Variants in LRBA observed in about 807,000 individuals in gnomAD.
LRBA encodes lipopolysaccharide-responsive and beige-like anchor protein.
In LRBA, 176 loss-of-function variants were observed where a neutral mutation model predicts 330.0. That is an observed-to-expected ratio of 0.53 (90% confidence interval 0.47 to 0.60). The LOEUF (loss-of-function observed/expected upper bound fraction) is 0.60, where lower values mean the gene tolerates loss of function less well. Ranked by LOEUF, LRBA falls within the 20% of genes least tolerant of loss-of-function variation. The pLI, the probability that LRBA is intolerant of heterozygous loss-of-function variation, is 0.00. For synonymous variants in LRBA, 1,230 were observed against 1,193.0 expected (o/e 1.03, Z -0.64); for missense variants, 3,259 against 3,444.8 (o/e 0.95, Z 1.35).
chr4:150,351,581 C>T (rs924505777), intron 47 of LRBA, among the ~76,000 whole-genome samples: 5 of 151,856 alleles, frequency 3.3e-5, no homozygotes, highest in Admixed American at 6.6e-5. Flanking sequence ...CCCAGCTACC[C>T]GGGAGGCTGA....
chr4:150,888,036 C>A (rs1310017311), intron 17 of LRBA, among the ~76,000 whole-genome samples: 1 of 151,538 alleles, frequency 6.6e-6, no homozygotes, highest in African/African-American at 2.4e-5. Context: ...AAATCTAGAA[C>A]ATTATATTTA....
intron 37 of LRBA, among the ~76,000 whole-genome samples, chr4:150,665,243 G>T (rs1271944153): frequency 6.6e-6 from 1 of 152,096 alleles, no homozygotes; most frequent in Non-Finnish European, 1.5e-5. Flanking sequence ...GGTTGCTTAG[G>T]GACCCTCTGT....
At chr4:150,996,842 C>T (rs1742706699) in intron 2 of LRBA, among the ~76,000 whole-genome samples, 1 of 152,130 alleles carries the variant, frequency 6.6e-6, no homozygotes, top group Admixed American at 6.6e-5. Context: ...ACTTGAGCAT[C>T]ATTGACCACT....
At chr4:150,963,828 C>T (rs1193010398) in intron 2 of LRBA, among the ~76,000 whole-genome samples, 2 of 148,206 alleles carry the variant, frequency 1.3e-5, no homozygotes, top group Non-Finnish European at 2.9e-5. Context: ...GCGCCTCTTC[C>T]CGGCAGTCAT....
intron 40 of LRBA, among the ~76,000 whole-genome samples, chr4:150,568,477 A>G (rs1335110597): frequency 4.6e-5 from 7 of 152,152 alleles, no homozygotes; most frequent in Admixed American, 4.6e-4. Context: ...ATAAATATTT[A>G]TTGAATCTCC....
At chr4:150,445,373 CTCTCTATATATATATA>C (rs1470693100) in intron 44 of LRBA, among the ~76,000 whole-genome samples, 4 of 83,984 alleles carry the variant, frequency 4.8e-5, no homozygotes, top group Admixed American at 1.4e-4. Flanking sequence ...CTCTCTCTCT[CTCTCTATATATATATA>C]TATATATATA....
In LRBA at chr4:150,915,729, T is replaced by C. The variant is rs1214604801; in HGVS notation, c.895-2A>G. The C allele has an allele frequency of 1.3e-6, 2 of 1,582,540 alleles. No individual in the cohort carries two copies. The highest frequency in any genetic ancestry group is 1.4e-5 in the African/African-American group (1 of 73,544). ...GTGTACTATGGTAACCATATACCAC[T>C]GCAGAAGCAAAAAACAGTTAAAAAT... is the stretch of plus-strand genomic sequence containing the variant. On this transcript the variant is annotated splice_acceptor_variant, in intron 7 of 56. Transcript: ENST00000651943. LOFTEE classifies it high-confidence loss of function.
chr4:150,296,447 A>AT (rs1377409109), intron 53 of LRBA, among the ~76,000 whole-genome samples: 9 of 152,238 alleles, frequency 5.9e-5, no homozygotes, highest in African/African-American at 1.9e-4. Context: ...AAACACATTC[A>AT]TTTTCTCACT....
At chr4:150,632,932 T>C (rs578059456) in intron 37 of LRBA, among the ~76,000 whole-genome samples, 4 of 152,366 alleles carry the variant, frequency 2.6e-5, no homozygotes, top group African/African-American at 9.6e-5. Flanking sequence ...AGTTTCTTTC[T>C]AGGCCATTCC....
intron 50 of LRBA, among the ~76,000 whole-genome samples, chr4:150,319,100 T>G (rs1732122779): frequency 6.6e-6 from 1 of 152,178 alleles, no homozygotes; most frequent in Non-Finnish European, 1.5e-5. Context: ...CATCAACGCG[T>G]AGGGTCTTAA....
Position 150,884,120 on chromosome 4 carries a change from G to T in LRBA, c.2165+8932C>A, listed in dbSNP as rs1237828937. Among the ~76,000 whole-genome samples, 4 of 152,156 alleles carry T rather than the reference G, an allele frequency of 2.6e-5. No homozygotes were observed. The South Asian group carries it at 6.2e-4, about 24-fold the overall frequency. On this transcript the variant is annotated intron_variant, in intron 17 of 56. Transcript: ENST00000651943. Reference sequence around the variant, plus strand: ...AGAACTGTAGTTTTACCATTTGGGGGCTGGCAGTAAAAAGTAGCACTGTTG... The same window carrying T: ...AGAACTGTAGTTTTACCATTTGGGGTCTGGCAGTAAAAAGTAGCACTGTTG...
chr4:150,977,829 G>A (rs1187401975), intron 2 of LRBA, among the ~76,000 whole-genome samples: 1 of 152,244 alleles, frequency 6.6e-6, no homozygotes, highest in Non-Finnish European at 1.5e-5. Context: ...GTAAACAGGA[G>A]GGAAGAGTGG....
chr4:150,749,590 T>C (rs1733252383), intron 35 of LRBA, among the ~76,000 whole-genome samples: 1 of 151,494 alleles, frequency 6.6e-6, no homozygotes, highest in African/African-American at 2.4e-5. Flanking sequence ...TCCCTATCTC[T>C]ACCCAAAAAA....
intron 2 of LRBA, among the ~76,000 whole-genome samples, chr4:151,008,278 T>C (rs1744355630): frequency 6.6e-6 from 1 of 151,962 alleles, no homozygotes; most frequent in East Asian, 2.0e-4. Flanking sequence ...ACCAGGTTTA[T>C]CCATGTTGGT....
intron 53 of LRBA, among the ~76,000 whole-genome samples, chr4:150,287,834 C>G (rs1043438592): frequency 6.6e-6 from 1 of 152,140 alleles, no homozygotes. Context: ...GGCAAACTTA[C>G]CTTAATTAGA....
intron 48 of LRBA, among the ~76,000 whole-genome samples, chr4:150,345,096 G>A (rs1370464586): frequency 6.6e-6 from 1 of 152,130 alleles, no homozygotes; most frequent in Non-Finnish European, 1.5e-5. Flanking sequence ...AACATGCCTG[G>A]ATTCTGTCAG....
chr4:150,761,899 T>C, intron 34 of LRBA, 52 bp from the exon 35 acceptor site: 3 of 908,482 alleles, frequency 3.3e-6, no homozygotes, highest in Non-Finnish European at 5.1e-6. Flanking sequence ...AGTAGGTTCT[T>C]TCTTTTAAAA....
rs201821885 is a variant in LRBA, at chr4:150,588,202, C to T, written c.6194-18G>A. The T allele has an allele frequency of 1.3e-6, 2 of 1,556,952 alleles. No homozygotes were observed. The highest frequency in any genetic ancestry group is 2.2e-5 in the Admixed American group (1 of 45,898). Reference sequence around the variant, plus strand: ...AACAGGACCTGCCAAAAGGAAAAGACAAGCCACACAAGTTGGAATGACATT... The same window carrying T: ...AACAGGACCTGCCAAAAGGAAAAGATAAGCCACACAAGTTGGAATGACATT... On this transcript the variant is annotated intron_variant, in intron 39 of 56. Transcript: ENST00000651943.
chr4:150,320,678 G>C (rs550127488), intron 50 of LRBA, among the ~76,000 whole-genome samples: 1 of 151,892 alleles, frequency 6.6e-6, no homozygotes, highest in Non-Finnish European at 1.5e-5. Flanking sequence ...ATGGTGCTGC[G>C]TGCCTGTAGT....
Sources: allele counts gnomAD v4.1 joint callset (sites outside exome capture counted in the v4.1 genomes callset), GRCh38; gene constraint gnomAD v4.1.1; transcripts MANE v1.5; gene names NCBI Gene and HGNC (gene_info 2026-07-23, HGNC 2026-07-21).